Variants in MSI2 observed in about 807,000 individuals in gnomAD.
MSI2 encodes the protein musashi RNA binding protein 2.
In MSI2, 17 loss-of-function variants were observed where a neutral mutation model predicts 45.6. The observed-to-expected ratio is 0.37, with a 90% CI of 0.26 to 0.56. The LOEUF is 0.56. MSI2 is among the 20% of genes least tolerant of loss of function. MSI2 has a pLI of 0.77. For missense variants in MSI2, 293 were observed against 444.2 expected (o/e 0.66, Z 3.06); for synonymous variants, 156 against 158.2 (o/e 0.99, Z 0.11).
At chr17:57,575,958 A>AAG (rs2088032659) in intron 7 of MSI2, among the ~76,000 whole-genome samples, 1 of 151,696 alleles carries the variant, frequency 6.6e-6, no homozygotes, top group Middle Eastern at 3.4e-3. Flanking sequence ...AAAAAAAAAA[A>AAG]AAAAAAAAAA....
chr17:57,502,552 ATTG>A (rs1185813836), intron 6 of MSI2, among the ~76,000 whole-genome samples: 5 of 138,312 alleles, frequency 3.6e-5, no homozygotes, highest in South Asian at 2.4e-4. Context: ...TGCTATTATT[ATTG>A]TTGTTGTTTG....
chr17:57,436,328 G>A (rs145807714), intron 6 of MSI2, among the ~76,000 whole-genome samples: 3 of 152,372 alleles, frequency 2.0e-5, no homozygotes, highest in African/African-American at 2.4e-5. Flanking sequence ...AGTAGAGCCT[G>A]TGGCACAGAA....
upstream of MSI2, among the ~76,000 whole-genome samples, chr17:57,256,287 C>T (rs941845409): frequency 1.3e-5 from 2 of 151,748 alleles, no homozygotes; most frequent in Non-Finnish European, 2.9e-5. Context: ...GGGGTCCCCT[C>T]CGCCCGCGGG....
intron 7 of MSI2, among the ~76,000 whole-genome samples, chr17:57,537,619 G>A (rs2086948541): frequency 6.6e-6 from 1 of 152,202 alleles, no homozygotes; most frequent in African/African-American, 2.4e-5. Context: ...TTTTATTTCT[G>A]ACAGGAAAGC....
chr17:57,409,918 G>C (rs1020595505), intron 6 of MSI2, among the ~76,000 whole-genome samples: 1 of 146,702 alleles, frequency 6.8e-6, no homozygotes, highest in African/African-American at 2.5e-5. Context: ...TGAGGCAGGA[G>C]AATCTCTTGA....
chr17:57,584,784 G>T (rs1047621487), intron 7 of MSI2, among the ~76,000 whole-genome samples: 2 of 143,452 alleles, frequency 1.4e-5, no homozygotes, highest in African/African-American at 5.2e-5. Flanking sequence ...ATTAATGGAT[G>T]ATTTGGGTTT....
chr17:57,566,034 CAA>C (rs536477119), intron 7 of MSI2: 240 of 152,310 alleles, frequency 1.6e-3, no homozygotes, highest in African/African-American at 5.4e-3. Flanking sequence ...TCCTTAAAGA[CAA>C]GAGAAATCGG....
At chr17:57,624,512 C>G (rs147726706) in intron 9 of MSI2, among the ~76,000 whole-genome samples, 186 of 152,336 alleles carry the variant, frequency 1.2e-3, no homozygotes, top group African/African-American at 4.2e-3. Flanking sequence ...TTCCTTCCTT[C>G]TTTCTCCGTC....
chr17:57,436,734 G>T (rs2084698147), intron 6 of MSI2, among the ~76,000 whole-genome samples: 1 of 152,198 alleles, frequency 6.6e-6, no homozygotes, highest in Non-Finnish European at 1.5e-5. Context: ...CCACTCCCTT[G>T]AATATGACAG....
intron 5 of MSI2, among the ~76,000 whole-genome samples, chr17:57,383,684 A>T (rs999920127): frequency 3.3e-5 from 5 of 152,198 alleles, no homozygotes; most frequent in African/African-American, 1.2e-4. Flanking sequence ...AATAAAATAG[A>T]AATCATTTCT....
chr17:57,429,147 T>G (rs1404646124), intron 6 of MSI2, among the ~76,000 whole-genome samples: 1 of 152,060 alleles, frequency 6.6e-6, no homozygotes, highest in Non-Finnish European at 1.5e-5. Flanking sequence ...CCCCTGCAGA[T>G]CTCCCTTCAT....
At chr17:57,631,927 C>A in intron 10 of MSI2, 1 of 1,541,050 alleles carries the variant, frequency 6.5e-7, no homozygotes, top group Non-Finnish European at 8.8e-7. Context: ...AGTCAATGCT[C>A]ACTGAAAGTC....
chr17:57,402,718 G>A lies in MSI2; in HGVS notation c.405+1247G>A, dbSNP rs533473724. On this transcript the variant is annotated intron_variant, in intron 6 of 13. Transcript: ENST00000284073. ...GGTATTAATTTCTGCCTGGATAGGA[G>A]ACCGTGCAACAAAGAGAAGCCAGCC... Among the ~76,000 whole-genome samples the A allele has an allele frequency of 2.0e-4, 30 of 152,240 alleles. No individual in the cohort carries two copies. The South Asian group carries it at 6.0e-3, about 31-fold the overall frequency.
intron 7 of MSI2, among the ~76,000 whole-genome samples, chr17:57,564,424 C>G (rs1052630352): frequency 5.9e-5 from 9 of 152,184 alleles, no homozygotes; most frequent in Non-Finnish European, 4.4e-5. Flanking sequence ...TTGGGGGAAG[C>G]TCTGATGTTT....
intron 5 of MSI2, among the ~76,000 whole-genome samples, chr17:57,284,835 G>T (rs1406735672): frequency 6.6e-6 from 1 of 152,058 alleles, no homozygotes; most frequent in Non-Finnish European, 1.5e-5. Context: ...ATCTGCTGGG[G>T]ATGGGAGAAG....
At chr17:57,689,545 G>T (rs533637197), downstream of MSI2, among the ~76,000 whole-genome samples, 1 of 152,286 alleles carries the variant, frequency 6.6e-6, no homozygotes, top group Non-Finnish European at 1.5e-5. Flanking sequence ...ATTGAGGTAT[G>T]AAATTACATA....
At chr17:57,616,281 A>ATG (rs141665856) in intron 9 of MSI2, 197 bp downstream of exon 9, 9,311 of 477,022 alleles carry the variant, frequency 0.02, 495 homozygotes, top group African/African-American at 0.14. Flanking sequence ...GTGTGCATGC[A>ATG]TGTGTGTGTG....
chr17:57,488,078 C>T (rs1479370143), intron 6 of MSI2, among the ~76,000 whole-genome samples: 1 of 152,028 alleles, frequency 6.6e-6, no homozygotes, highest in Admixed American at 6.6e-5. Context: ...GAGGAAGACC[C>T]ATTTGGAGCC....
At chr17:57,530,564 T>C (rs985762352) in intron 7 of MSI2, among the ~76,000 whole-genome samples, 4 of 152,214 alleles carry the variant, frequency 2.6e-5, no homozygotes, top group African/African-American at 9.6e-5. Context: ...GGGGTTCCTA[T>C]TAACAGGGTG....
Sources: gnomAD v4.1 joint callset for allele counts (sites outside exome capture counted in the v4.1 genomes callset) on GRCh38, gnomAD v4.1.1 for gene constraint, MANE v1.5 for transcripts, NCBI Gene and HGNC (gene_info 2026-07-23, HGNC 2026-07-21) for gene names.